The following RASAL2 variants were observed in gnomAD, a reference collection of about 807,000 sequenced individuals.
RASAL2 encodes the protein RAS protein activator like 2.
In RASAL2, 58 loss-of-function variants were observed where a neutral mutation model predicts 128.9. The observed-to-expected ratio is 0.45, with a 90% CI of 0.36 to 0.56. The LOEUF (loss-of-function observed/expected upper bound fraction) is 0.56, where lower values mean the gene tolerates loss of function less well. Ranked by LOEUF, RASAL2 falls within the 20% of genes least tolerant of loss-of-function variation. RASAL2 has a pLI of 0.00. For synonymous variants in RASAL2, 561 were observed against 580.8 expected (o/e 0.97, Z 0.49); for missense variants, 1,360 against 1,601.6 (o/e 0.85, Z 2.57).
intron 9 of RASAL2, among the ~76,000 whole-genome samples, 172 bp downstream of exon 9, chr1:178,445,834 A>G (rs1432658103): frequency 6.6e-6 from 1 of 152,152 alleles, no homozygotes; most frequent in African/African-American, 2.4e-5. Context: ...CCAGTAGAGA[A>G]ATAATAATAA....
chr1:178,369,882 T>G (rs1671606607), intron 3 of RASAL2, among the ~76,000 whole-genome samples: 1 of 152,210 alleles, frequency 6.6e-6, no homozygotes, highest in South Asian at 2.1e-4. Flanking sequence ...AAACATTATG[T>G]AAACAAGTAA....
At chr1:178,399,072 A>G (rs1037738201) in intron 4 of RASAL2, among the ~76,000 whole-genome samples, 1 of 152,196 alleles carries the variant, frequency 6.6e-6, no homozygotes. Flanking sequence ...TAATGGGACA[A>G]TGGAGAATTC....
At chr1:178,323,460 A>G (rs1668889855) in intron 3 of RASAL2, among the ~76,000 whole-genome samples, 1 of 152,210 alleles carries the variant, frequency 6.6e-6, no homozygotes, top group South Asian at 2.1e-4. Flanking sequence ...ATCGTTTAGT[A>G]ATGAAATTAG....
At chr1:178,347,155 T>C (rs1333760878) in intron 3 of RASAL2, among the ~76,000 whole-genome samples, 1 of 152,204 alleles carries the variant, frequency 6.6e-6, no homozygotes, top group East Asian at 1.9e-4. Flanking sequence ...ACGGTGAAAT[T>C]TTAATTATCA....
intron 1 of RASAL2, among the ~76,000 whole-genome samples, chr1:178,214,619 C>T (rs1460726685): frequency 2.7e-5 from 4 of 149,554 alleles, no homozygotes; most frequent in South Asian, 4.2e-4. Flanking sequence ...AGTGCAGTGG[C>T]GCAATCTCGG....
intron 1 of RASAL2, among the ~76,000 whole-genome samples, chr1:178,244,908 G>A (rs572235647): frequency 3.8e-4 from 58 of 152,238 alleles, no homozygotes; most frequent in Admixed American, 7.9e-4. Flanking sequence ...ACATGAACTC[G>A]TTCTTTTTCA....
At chr1:178,143,411 T>G (rs1378287422) in intron 1 of RASAL2, among the ~76,000 whole-genome samples, 1 of 152,000 alleles carries the variant, frequency 6.6e-6, no homozygotes, top group East Asian at 1.9e-4. Flanking sequence ...AAAGGGTGTT[T>G]TTTATTCAGG....
chr1:178,219,580 T>C (rs1286799443), intron 1 of RASAL2, among the ~76,000 whole-genome samples: 1 of 148,432 alleles, frequency 6.7e-6, no homozygotes, highest in Non-Finnish European at 1.5e-5. Flanking sequence ...CAGTGAGCTG[T>C]GATCGCGCCA....
chr1:178,202,596 A>G (rs372612498), intron 1 of RASAL2, among the ~76,000 whole-genome samples: 3 of 152,214 alleles, frequency 2.0e-5, no homozygotes, highest in African/African-American at 4.8e-5. Context: ...GTCATGGGCT[A>G]TAGTCAATGG....
intron 1 of RASAL2, among the ~76,000 whole-genome samples, chr1:178,119,727 A>G (rs1659646496): frequency 1.3e-5 from 2 of 152,220 alleles, no homozygotes; most frequent in South Asian, 4.1e-4. Flanking sequence ...TCACACAAAA[A>G]CAAGCACTGT....
At chr1:178,422,096 A>G (rs1214818392) in intron 5 of RASAL2, among the ~76,000 whole-genome samples, 3 of 152,062 alleles carry the variant, frequency 2.0e-5, no homozygotes, top group African/African-American at 7.2e-5. Flanking sequence ...TAAACTCTGC[A>G]GCATCATATA....
chr1:178,464,156 G>T, intron 14 of RASAL2, 122 bp from the exon 15 acceptor site: 1 of 1,217,836 alleles, frequency 8.2e-7, no homozygotes, highest in Non-Finnish European at 1.1e-6. Flanking sequence ...AATACTTAAA[G>T]CTAAGAGCAT....
intron 1 of RASAL2, among the ~76,000 whole-genome samples, chr1:178,146,632 T>A (rs1276588422): frequency 2.6e-5 from 4 of 152,234 alleles, no homozygotes; most frequent in Admixed American, 2.6e-4. Flanking sequence ...GCAGCTTTTA[T>A]AATGGTGACT....
At chr1:178,361,776 C>T (rs1671120775) in intron 3 of RASAL2, among the ~76,000 whole-genome samples, 1 of 151,874 alleles carries the variant, frequency 6.6e-6, no homozygotes, top group South Asian at 2.1e-4. Context: ...ATTATTATTA[C>T]ATTGTAATAT....
chr1:178,221,377 C>CT (rs1032881424), intron 1 of RASAL2, among the ~76,000 whole-genome samples: 3 of 152,092 alleles, frequency 2.0e-5, no homozygotes, highest in Non-Finnish European at 4.4e-5. Context: ...TTTAGACCTT[C>CT]TTTTTTTAAG....
chr1:178,466,645 A>T (rs1349375677), intron 16 of RASAL2, among the ~76,000 whole-genome samples: 4 of 152,180 alleles, frequency 2.6e-5, no homozygotes, highest in African/African-American at 9.7e-5. Context: ...CCACCTACGC[A>T]TTATTATTCT....
At chr1:178,133,406 A>G (rs915804574) in intron 1 of RASAL2, among the ~76,000 whole-genome samples, 1 of 151,980 alleles carries the variant, frequency 6.6e-6, no homozygotes, top group Non-Finnish European at 1.5e-5. Context: ...ACAGACTTGA[A>G]TGTGGTGTGT....
intron 1 of RASAL2, among the ~76,000 whole-genome samples, chr1:178,176,912 A>G (rs1444379361): frequency 6.6e-6 from 1 of 151,874 alleles, no homozygotes; most frequent in African/African-American, 2.4e-5. Context: ...AGCCTCCCAA[A>G]GAGCTGGGAT....
At chr1:178,472,974 A>T in intron 17 of RASAL2, 101 bp from the exon 18 acceptor site, 1 of 1,379,830 alleles carries the variant, frequency 7.2e-7, no homozygotes, top group Non-Finnish European at 1.0e-6. Flanking sequence ...AGCACCATGC[A>T]TACAACTGTT....
Sources: gnomAD v4.1 joint callset for allele counts (sites outside exome capture counted in the v4.1 genomes callset) on GRCh38, gnomAD v4.1.1 for gene constraint, MANE v1.5 for transcripts, NCBI Gene and HGNC (gene_info 2026-07-23, HGNC 2026-07-21) for gene names.